The following PRKCA variants were observed in gnomAD, a reference collection of about 807,000 sequenced individuals.
The protein encoded by PRKCA is protein kinase C alpha type.
A neutral mutation model predicts 87.0 loss-of-function variants in PRKCA; 27 were observed. That is an observed-to-expected ratio of 0.31 (90% CI 0.23 to 0.43). The LOEUF (loss-of-function observed/expected upper bound fraction) is 0.43, where lower values mean the gene tolerates loss of function less well. Ranked by LOEUF, PRKCA falls within the 20% of genes least tolerant of loss-of-function variation. The probability of loss-of-function intolerance (pLI) is 1.00; values close to 1 mark genes in which losing one functional copy is unlikely to be tolerated. For synonymous variants in PRKCA, 329 were observed against 311.1 expected (o/e 1.06, Z -0.61); for missense variants, 518 against 852.3 (o/e 0.61, Z 4.88).
chr17:66,462,328 A>G (rs1410976784), intron 2 of PRKCA, among the ~76,000 whole-genome samples: 1 of 152,224 alleles, frequency 6.6e-6, no homozygotes, highest in Non-Finnish European at 1.5e-5. Context: ...TCTTCATTCC[A>G]GACAGCAGCC....
At chr17:66,432,409 C>G (rs1395696802) in intron 2 of PRKCA, among the ~76,000 whole-genome samples, 3 of 152,198 alleles carry the variant, frequency 2.0e-5, no homozygotes, top group Non-Finnish European at 4.4e-5. Context: ...CAAGCACACT[C>G]TTCCTCCACA....
chr17:66,661,280 G>A (rs559886725), intron 5 of PRKCA, among the ~76,000 whole-genome samples: 4 of 147,788 alleles, frequency 2.7e-5, no homozygotes, highest in Non-Finnish European at 6.0e-5. Context: ...CCAATGGACT[G>A]TGACTGGAGG....
intron 3 of PRKCA, among the ~76,000 whole-genome samples, chr17:66,557,814 C>T (rs1434342834): frequency 6.6e-6 from 1 of 152,126 alleles, no homozygotes; most frequent in African/African-American, 2.4e-5. Flanking sequence ...GGCAGATTTT[C>T]TACAGGCCTG....
At chr17:66,530,825 G>A (rs1219607286) in intron 3 of PRKCA, among the ~76,000 whole-genome samples, 2 of 151,850 alleles carry the variant, frequency 1.3e-5, no homozygotes, top group Non-Finnish European at 2.9e-5. Flanking sequence ...CGTTTCAGAG[G>A]TGGTAATATT....
At chr17:66,690,329 A>G (rs1046025056) in intron 8 of PRKCA, among the ~76,000 whole-genome samples, 3 of 152,140 alleles carry the variant, frequency 2.0e-5, no homozygotes, top group African/African-American at 7.2e-5. Flanking sequence ...GGATTGAAGC[A>G]GGAGGGAGTG....
chr17:66,539,115 T>G (rs535434385), intron 3 of PRKCA, among the ~76,000 whole-genome samples: 2 of 152,352 alleles, frequency 1.3e-5, no homozygotes, highest in East Asian at 3.9e-4. Flanking sequence ...CATTTTTTAT[T>G]GGAGACTGAG....
intron 2 of PRKCA, among the ~76,000 whole-genome samples, chr17:66,448,332 TG>T (rs1243956455): frequency 1.1e-4 from 17 of 152,198 alleles, no homozygotes; most frequent in Admixed American, 1.1e-3. Context: ...TGATGAATTT[TG>T]CTGCCTTGGA....
chr17:66,525,882 C>T (rs1477551055), intron 3 of PRKCA, among the ~76,000 whole-genome samples: 2 of 152,012 alleles, frequency 1.3e-5, no homozygotes, highest in Non-Finnish European at 2.9e-5. Flanking sequence ...GGTCTGGGAA[C>T]ATTCTGTGCA....
At chr17:66,570,588 G>A (rs777539210) in intron 3 of PRKCA, among the ~76,000 whole-genome samples, 6 of 152,194 alleles carry the variant, frequency 3.9e-5, no homozygotes, top group Admixed American at 6.5e-5. Flanking sequence ...GAGTGAGATC[G>A]TGATATTGCT....
intron 3 of PRKCA, among the ~76,000 whole-genome samples, chr17:66,540,051 C>A (rs539649296): frequency 1.3e-5 from 2 of 152,324 alleles, no homozygotes; most frequent in East Asian, 3.9e-4. Flanking sequence ...GGTGCCTCTC[C>A]TGCAGAAGGG....
chr17:66,571,819 G>T (rs572986776), intron 3 of PRKCA, among the ~76,000 whole-genome samples: 5 of 152,290 alleles, frequency 3.3e-5, no homozygotes, highest in African/African-American at 7.2e-5. Context: ...AGAAAAATGG[G>T]TGGTAGATCT....
Position 66,303,013 on chromosome 17 carries a change from C to G in PRKCA, c.162C>G (p.Thr54=). The G allele has an allele frequency of 1.2e-6, 2 of 1,609,794 alleles. No individual in the cohort carries two copies. The highest frequency in any genetic ancestry group is 1.7e-6 in the Non-Finnish European group (2 of 1,178,018). ...FKQPTFCSHC[T]DFIWGFGKQG... ...AGCCCACCTTCTGCAGCCACTGCAC[C>G]GACTTCATCTGGTAGGTGCCGGGCC... Residue 54 remains threonine, a synonymous_variant, in exon 1 of 17, where the codon ACC becomes ACG. Transcript: ENST00000413366.
intron 2 of PRKCA, among the ~76,000 whole-genome samples, chr17:66,322,956 C>T (rs1029046958): frequency 6.6e-6 from 1 of 152,204 alleles, no homozygotes; most frequent in African/African-American, 2.4e-5. Context: ...CCATGTGCCT[C>T]ATCCCTCCCA....
At chr17:66,709,308 T>A in intron 8 of PRKCA, among the ~76,000 whole-genome samples, 1 of 104,082 alleles carries the variant, frequency 9.6e-6, no homozygotes, top group South Asian at 3.0e-4. Flanking sequence ...TTTCTTTTTT[T>A]TTTTTTTTTT....
intron 2 of PRKCA, among the ~76,000 whole-genome samples, chr17:66,378,763 T>A (rs1485619170): frequency 1.3e-5 from 2 of 152,062 alleles, no homozygotes; most frequent in Non-Finnish European, 2.9e-5. Context: ...TAGCCTGGCG[T>A]GGTGGCACAT....
chr17:66,631,947 G>A (rs1971026332), intron 3 of PRKCA, among the ~76,000 whole-genome samples: 1 of 152,186 alleles, frequency 6.6e-6, no homozygotes. Flanking sequence ...ATAGGAAGAT[G>A]GTCTTAATAA....
chr17:66,433,637 C>T (rs532554741), intron 2 of PRKCA, among the ~76,000 whole-genome samples: 3 of 152,054 alleles, frequency 2.0e-5, no homozygotes, highest in Admixed American at 6.6e-5. Flanking sequence ...CTCTGCCTCC[C>T]GGGTTCAAGC....
chr17:66,303,370 G>T (rs1269690181), intron 1 of PRKCA, among the ~76,000 whole-genome samples: 1 of 152,186 alleles, frequency 6.6e-6, no homozygotes, highest in Non-Finnish European at 1.5e-5. Context: ...GAGCCCAGGG[G>T]ACAGGGGAGG....
At chr17:66,676,112 G>C (rs1000307028) in intron 5 of PRKCA, among the ~76,000 whole-genome samples, 1 of 152,132 alleles carries the variant, frequency 6.6e-6, no homozygotes, top group African/African-American at 2.4e-5. Flanking sequence ...TTGTGGCGAC[G>C]TGAGGGAACT....
Sources: allele counts gnomAD v4.1 joint callset (sites outside exome capture counted in the v4.1 genomes callset), GRCh38; gene constraint gnomAD v4.1.1; transcripts MANE v1.5; gene names NCBI Gene and HGNC (gene_info 2026-07-23, HGNC 2026-07-21).